Variants in CCN4 observed in about 807,000 individuals in gnomAD.
The protein encoded by CCN4 is CCN family member 4.
Under a neutral mutation model 36.7 loss-of-function variants are expected in CCN4, and 30 were observed. The ratio of observed to expected loss-of-function variants is 0.82; its 90% CI spans 0.61 to 1.11. CCN4 has a LOEUF of 1.11. Among genes scored for constraint, CCN4 ranks in the 50% least tolerant of loss-of-function variants. CCN4 has a pLI of 0.00. For missense variants in CCN4, 505 were observed against 504.9 expected, an observed-to-expected ratio of 1.00 and a Z score of 0.00; for synonymous variants, 191 against 195.4, an observed-to-expected ratio of 0.98 and a Z score of 0.19.
chr8:133,223,760 ATG>A (rs952150924), intron 3 of CCN4, among the ~76,000 whole-genome samples: 2 of 151,322 alleles, frequency 1.3e-5, no homozygotes, highest in Non-Finnish European at 2.9e-5. Context: ...CCTCATGCAC[ATG>A]TGTGTTTGGA....
Position 133,225,548 on chromosome 8 carries a change from C to A in CCN4, c.769C>A (p.Arg257=). The A allele has an allele frequency of 6.2e-7, 1 of 1,612,774 alleles. No individual in the cohort carries two copies. Among genetic ancestry groups the A allele is most frequent in the Non-Finnish European group, 8.5e-7 (1 of 1,179,172 alleles). Residue 257 remains arginine (R), a synonymous_variant, in exon 4 of 5, where the codon CGG becomes AGG. Coordinates refer to ENST00000250160, the MANE Select transcript of CCN4 (RefSeq NM_003882.4). ...PEQESRLCNL[R]PCDVDIHTLI... The stretch of plus-strand genomic sequence containing the variant: ...GCAAGAGAGCCGCCTCTGCAACTTG[C>A]GGCCATGCGATGTGGACATCCATAC...
intron 1 of CCN4, among the ~76,000 whole-genome samples, chr8:133,200,942 C>T (rs533843109): frequency 6.6e-6 from 1 of 152,318 alleles, no homozygotes; most frequent in South Asian, 2.1e-4. Context: ...CCTCTCTGCC[C>T]TCCCTCTCAT....
intron 1 of CCN4, among the ~76,000 whole-genome samples, chr8:133,191,637 GAA>G (rs1853115640): frequency 1.3e-5 from 2 of 152,152 alleles, no homozygotes; most frequent in East Asian, 3.9e-4. Flanking sequence ...CTCTGAGTTT[GAA>G]AACTCCAAGA....
chr8:133,223,315 A>C (rs1328704898), intron 3 of CCN4, among the ~76,000 whole-genome samples: 2 of 151,622 alleles, frequency 1.3e-5, no homozygotes, highest in Non-Finnish European at 2.9e-5. Context: ...TGACCCAAAA[A>C]CCAAAGCCTC....
chr8:133,203,005 G>A (rs539463766), intron 1 of CCN4, among the ~76,000 whole-genome samples: 17 of 152,360 alleles, frequency 1.1e-4, no homozygotes, highest in African/African-American at 2.9e-4. Flanking sequence ...GCTTCCAGCA[G>A]GACAACCCTG....
At position 133,191,181 on chromosome 8, in the gene CCN4, A is replaced by T; in HGVS notation, c.37A>T (p.Thr13Ser). ...CCTGCCCTGGACGCTGGCAGCAGTG[A>T]CAGCAGCAGCCGCCAGCACCGTCCT... The part of the protein sequence containing the change: ...WFLPWTLAAV[T>S]AAAASTVLAT... Residue 13 changes from threonine (T) to serine (S), a missense_variant, in exon 1 of 5, where the codon ACA becomes TCA. By Grantham distance (58) the Thr-to-Ser change is moderately conservative (BLOSUM62 1). Transcript: ENST00000250160. 1 of 1,605,834 alleles carries T rather than the reference A, an allele frequency of 6.2e-7. No homozygotes were observed. The highest frequency in any genetic ancestry group is 8.5e-7 in the Non-Finnish European group (1 of 1,179,650).
At chr8:133,198,775 G>C (rs973824774) in intron 1 of CCN4, among the ~76,000 whole-genome samples, 2 of 152,278 alleles carry the variant, frequency 1.3e-5, no homozygotes, top group East Asian at 1.9e-4. Context: ...CCCTGTGTTT[G>C]AGCCACCCTC....
intron 1 of CCN4, among the ~76,000 whole-genome samples, chr8:133,201,172 C>T (rs187466590): frequency 1.4e-4 from 22 of 152,270 alleles, no homozygotes; most frequent in Non-Finnish European, 7.4e-5. Flanking sequence ...CTCAACGTTG[C>T]CATTTGCTAG....
chr8:133,195,610 G>A (rs1452587503), intron 1 of CCN4, among the ~76,000 whole-genome samples: 1 of 152,080 alleles, frequency 6.6e-6, no homozygotes, highest in African/African-American at 2.4e-5. Context: ...GCTTATCTTG[G>A]AGGCTGGCAC....
chr8:133,201,547 TA>T (rs1853587004), intron 1 of CCN4, among the ~76,000 whole-genome samples: 1 of 152,056 alleles, frequency 6.6e-6, no homozygotes, highest in African/African-American at 2.4e-5. Context: ...TTTTTAAGAA[TA>T]AAAAAGCATA....
chr8:133,198,940 A>G (rs1853485980), intron 1 of CCN4, among the ~76,000 whole-genome samples: 1 of 152,236 alleles, frequency 6.6e-6, no homozygotes, highest in Non-Finnish European at 1.5e-5. Flanking sequence ...CTATGCCTGC[A>G]TATTGCAGGT....
intron 2 of CCN4, among the ~76,000 whole-genome samples, chr8:133,214,658 G>A (rs1854253946): frequency 6.6e-6 from 1 of 152,076 alleles, no homozygotes; most frequent in African/African-American, 2.4e-5. Context: ...CCCTTGAATT[G>A]TGTAAGCATT....
chr8:133,220,980 C>A, intron 3 of CCN4, 139 bp downstream of exon 3: 1 of 1,142,258 alleles, frequency 8.8e-7, no homozygotes, highest in Non-Finnish European at 1.2e-6. Context: ...AGTCATACCT[C>A]CCCTGAGACC....
intron 1 of CCN4, among the ~76,000 whole-genome samples, chr8:133,208,837 C>T (rs1169660124): frequency 6.6e-6 from 1 of 152,202 alleles, no homozygotes; most frequent in African/African-American, 2.4e-5. Flanking sequence ...CACACTGCAT[C>T]CCCAGCACCT....
intron 2 of CCN4, among the ~76,000 whole-genome samples, chr8:133,213,875 ACAC>A (rs1854167575): frequency 8.6e-5 from 12 of 140,286 alleles, no homozygotes; most frequent in South Asian, 2.2e-4. Flanking sequence ...AATATACTAT[ACAC>A]TATATATAGT....
chr8:133,216,078 C>A (rs1854311497), intron 2 of CCN4, among the ~76,000 whole-genome samples: 1 of 152,082 alleles, frequency 6.6e-6, no homozygotes, highest in Non-Finnish European at 1.5e-5. Flanking sequence ...CTCACTAGTG[C>A]TCTATTGAAC....
chr8:133,210,119 T>G (rs1274667445), intron 1 of CCN4, among the ~76,000 whole-genome samples: 1 of 152,180 alleles, frequency 6.6e-6, no homozygotes, highest in African/African-American at 2.4e-5. Flanking sequence ...TCAACACATA[T>G]GAAGCCCTAC....
intron 1 of CCN4, among the ~76,000 whole-genome samples, chr8:133,201,628 G>A (rs1032910365): frequency 2.0e-5 from 3 of 152,088 alleles, no homozygotes; most frequent in East Asian, 1.9e-4. Context: ...GATCACTTGA[G>A]GTCAAGAGTT....
intron 3 of CCN4, among the ~76,000 whole-genome samples, chr8:133,223,139 T>C (rs972258413): frequency 4.6e-5 from 7 of 151,928 alleles, no homozygotes; most frequent in African/African-American, 1.5e-4. Flanking sequence ...GAAAGCTTTG[T>C]CCCCAGCAGC....
Sources: allele counts gnomAD v4.1 joint callset (sites outside exome capture counted in the v4.1 genomes callset), GRCh38; gene constraint gnomAD v4.1.1; transcripts MANE v1.5; gene names NCBI Gene and HGNC (gene_info 2026-07-23, HGNC 2026-07-21).